Variants in PLCL1 observed in about 807,000 individuals in gnomAD.
PLCL1 encodes the protein phospholipase C like 1 (inactive).
In PLCL1, 41 loss-of-function variants were observed where a neutral mutation model predicts 84.4. The ratio of observed to expected loss-of-function variants is 0.49; its 90% CI spans 0.38 to 0.63. The LOEUF (loss-of-function observed/expected upper bound fraction) is 0.63, where lower values mean the gene tolerates loss of function less well. Among genes scored for constraint, PLCL1 ranks in the 30% least tolerant of loss-of-function variants. The pLI is 0.00. For synonymous variants in PLCL1, 490 were observed against 488.3 expected (o/e 1.00, Z -0.05); for missense variants, 1,206 against 1,367.8 (o/e 0.88, Z 1.87).
At chr2:197,886,630 T>A (rs1476265036) in intron 1 of PLCL1, among the ~76,000 whole-genome samples, 2 of 152,042 alleles carry the variant, frequency 1.3e-5, no homozygotes, top group East Asian at 3.9e-4. Flanking sequence ...ATGGACATAT[T>A]AAAAATGTGA....
At chr2:197,842,921 A>T (rs1267215089) in intron 1 of PLCL1, among the ~76,000 whole-genome samples, 1 of 152,200 alleles carries the variant, frequency 6.6e-6, no homozygotes, top group Non-Finnish European at 1.5e-5. Context: ...GGCAGTAAGG[A>T]ATAGGAAAGA....
intron 4 of PLCL1, 55 bp downstream of exon 4, chr2:198,101,415 A>G (rs749620801): frequency 2.1e-6 from 2 of 969,836 alleles, no homozygotes; most frequent in Non-Finnish European, 1.6e-6. Flanking sequence ...TTTGGAAACT[A>G]TAATAATTCT....
intron 1 of PLCL1, among the ~76,000 whole-genome samples, chr2:197,985,129 A>G (rs1690195033): frequency 6.6e-6 from 1 of 152,194 alleles, no homozygotes; most frequent in African/African-American, 2.4e-5. Context: ...GCTTTGGTGC[A>G]AGCGCAAGGT....
chr2:198,003,398 T>C (rs1303340049), intron 1 of PLCL1, among the ~76,000 whole-genome samples: 1 of 152,158 alleles, frequency 6.6e-6, no homozygotes. Context: ...TAGTGAATAA[T>C]AGAGATGCTC....
chr2:198,062,026 C>T lies in PLCL1; in HGVS notation c.241-21732C>T, dbSNP rs186564351. Among the ~76,000 whole-genome samples the T allele has an allele frequency of 2.5e-4, 38 of 152,298 alleles. 1 individual carries two copies. The highest frequency in any genetic ancestry group is 5.1e-4 in the African/African-American group (21 of 41,562). On this transcript the variant is annotated intron_variant, in intron 1 of 5. Coordinates refer to ENST00000428675, the MANE Select transcript of PLCL1 (RefSeq NM_006226.4). ...GCAGTGGTTGGACTTTAATAAATGA[C>T]GGCTCCCTTCCTCTTCATCTGAGTA...
Position 198,042,271 on chromosome 2 carries a change from A to G in PLCL1, c.241-41487A>G, listed in dbSNP as rs1379673366. Among the ~76,000 whole-genome samples the G allele has an allele frequency of 3.3e-5, 5 of 152,324 alleles. No homozygotes were observed. In the East Asian group the frequency reaches 9.6e-4, roughly 29 times the overall value. ...GATACTGCTGAACTGCTAAACCCAC[A>G]CCAACAGCTGTCTACCTCTGGACTT... is the stretch of plus-strand genomic sequence containing the variant. On this transcript the variant is annotated intron_variant, in intron 1 of 5. Transcript: ENST00000428675.
At chr2:197,988,990 G>A (rs555998798) in intron 1 of PLCL1, among the ~76,000 whole-genome samples, 10 of 152,240 alleles carry the variant, frequency 6.6e-5, no homozygotes, top group Admixed American at 1.3e-4. Flanking sequence ...GGATTATATA[G>A]TTCAAACCCA....
At chr2:198,040,022 T>A (rs1194656915) in intron 1 of PLCL1, among the ~76,000 whole-genome samples, 5 of 152,200 alleles carry the variant, frequency 3.3e-5, no homozygotes, top group African/African-American at 1.2e-4. Flanking sequence ...TAGATCAGAT[T>A]TGGACATTTT....
intron 1 of PLCL1, among the ~76,000 whole-genome samples, chr2:197,868,379 G>A (rs1687586621): frequency 6.6e-6 from 1 of 152,170 alleles, no homozygotes; most frequent in African/African-American, 2.4e-5. Flanking sequence ...AGCTGAATTG[G>A]CTCGTGAGAT....
intron 1 of PLCL1, among the ~76,000 whole-genome samples, chr2:197,982,807 G>A (rs574386017): frequency 7.9e-5 from 12 of 152,290 alleles, no homozygotes; most frequent in Non-Finnish European, 4.4e-5. Flanking sequence ...GGAGGACCTC[G>A]CATCCATCTT....
At chr2:197,965,270 C>T (rs1411012561) in intron 1 of PLCL1, among the ~76,000 whole-genome samples, 3 of 152,020 alleles carry the variant, frequency 2.0e-5, no homozygotes, top group Admixed American at 6.6e-5. Flanking sequence ...GTTTGGATTT[C>T]TTCATGGTTC....
intron 1 of PLCL1, among the ~76,000 whole-genome samples, chr2:197,854,697 G>A (rs945409812): frequency 5.3e-5 from 8 of 152,074 alleles, no homozygotes; most frequent in African/African-American, 1.9e-4. Context: ...AGTGTAATGA[G>A]GTAAGTTTAT....
At chr2:198,119,390 A>G (rs1240223338) in intron 5 of PLCL1, among the ~76,000 whole-genome samples, 1 of 152,042 alleles carries the variant, frequency 6.6e-6, no homozygotes, top group Non-Finnish European at 1.5e-5. Context: ...TGACCTGGAT[A>G]GAAGGTCCTC....
At chr2:198,049,783 T>G (rs1574274003) in intron 1 of PLCL1, among the ~76,000 whole-genome samples, 1 of 152,348 alleles carries the variant, frequency 6.6e-6, no homozygotes, top group East Asian at 1.9e-4. Context: ...TTCAATAATG[T>G]TAACAGATGA....
At chr2:198,106,792 T>C (rs1693484198) in intron 5 of PLCL1, among the ~76,000 whole-genome samples, 1 of 151,914 alleles carries the variant, frequency 6.6e-6, no homozygotes, top group Admixed American at 6.6e-5. Flanking sequence ...AGTGCAATCT[T>C]GCAACATGAC....
chr2:197,952,246 A>C (rs1421312112), intron 1 of PLCL1, among the ~76,000 whole-genome samples: 1 of 152,162 alleles, frequency 6.6e-6, no homozygotes, highest in Non-Finnish European at 1.5e-5. Context: ...GTCAAGGGAC[A>C]TTCTCTAGAC....
At chr2:197,884,338 CA>C (rs1325947462) in intron 1 of PLCL1, among the ~76,000 whole-genome samples, 2 of 152,160 alleles carry the variant, frequency 1.3e-5, no homozygotes, top group Non-Finnish European at 2.9e-5. Context: ...GGGCATAGGG[CA>C]AAAAGTTTAG....
chr2:197,952,174 G>A (rs1223709764), intron 1 of PLCL1, among the ~76,000 whole-genome samples: 8 of 152,044 alleles, frequency 5.3e-5, no homozygotes, highest in Non-Finnish European at 1.0e-4. Flanking sequence ...CTTCTATCCC[G>A]TGATAGCCTC....
intron 1 of PLCL1, among the ~76,000 whole-genome samples, chr2:197,876,300 G>A (rs2105709936): frequency 1.3e-5 from 2 of 152,288 alleles, no homozygotes; most frequent in East Asian, 1.9e-4. Context: ...AGAGGGGCTG[G>A]TAACGAGCTT....
Sources: allele counts gnomAD v4.1 joint callset (sites outside exome capture counted in the v4.1 genomes callset), GRCh38; gene constraint gnomAD v4.1.1; transcripts MANE v1.5; gene names NCBI Gene and HGNC (gene_info 2026-07-23, HGNC 2026-07-21).